The following ATOH8 variants were observed in gnomAD, a reference collection of about 807,000 sequenced individuals.
ATOH8 encodes the protein transcription factor ATOH8.
A neutral mutation model predicts 21.2 loss-of-function variants in ATOH8; 9 were observed. The ratio of observed to expected loss-of-function variants is 0.42; its 90% CI spans 0.26 to 0.74. ATOH8 has a LOEUF of 0.74. Ranked by LOEUF, ATOH8 falls within the 30% of genes least tolerant of loss-of-function variation. The probability of loss-of-function intolerance (pLI) is 0.24; values close to 1 mark genes in which losing one functional copy is unlikely to be tolerated. For missense variants in ATOH8, 524 were observed against 470.9 expected (o/e 1.11, Z -1.04); for synonymous variants, 253 against 224.0 (o/e 1.13, Z -1.16).
At chr2:85,775,134 A>T in intron 2 of ATOH8, 1 of 927,264 alleles carries the variant, frequency 1.1e-6, no homozygotes, top group Non-Finnish European at 1.3e-6. Context: ...ATGCTATGTG[A>T]CATAGGATGC....
rs1362280461 is a variant in ATOH8 at position 85,790,021 on chromosome 2, A to G, written c.*3131A>G. The stretch of plus-strand genomic sequence containing the variant: ...GAAAATGGAATTACATTTCAGATAG[A>G]TTCAGATTCCAACGGCAGTCTTCTA... On this transcript the variant is annotated 3_prime_UTR_variant, in exon 3 of 3. Transcript: ENST00000306279. 6.6e-6 allele frequency among the ~76,000 whole-genome samples: 1 copy of G among 152,222 alleles called. No individual in the cohort carries two copies.
At chr2:85,761,922 TG>T (rs1401241658) in intron 1 of ATOH8, among the ~76,000 whole-genome samples, 2 of 152,080 alleles carry the variant, frequency 1.3e-5, no homozygotes, top group African/African-American at 4.8e-5. Flanking sequence ...GAGTGGGAGA[TG>T]GGGTGAGGGA....
At chr2:85,775,009 T>C (rs1680284371) in intron 2 of ATOH8, 11 of 985,434 alleles carry the variant, frequency 1.1e-5, no homozygotes, top group Non-Finnish European at 1.3e-5. Flanking sequence ...CAGGAGAGCA[T>C]CATGTGATAT....
intron 2 of ATOH8, among the ~76,000 whole-genome samples, chr2:85,770,977 C>A (rs563567048): frequency 6.6e-6 from 1 of 152,206 alleles, no homozygotes; most frequent in Admixed American, 6.5e-5. Context: ...CCTAACTGAC[C>A]ACACTGGGGA....
chr2:85,756,427 T>C (rs1408358628), intron 1 of ATOH8, among the ~76,000 whole-genome samples: 3 of 152,152 alleles, frequency 2.0e-5, no homozygotes, highest in African/African-American at 4.8e-5. Flanking sequence ...ACCTTGCCAC[T>C]AGGGAAGCCC....
At chr2:85,765,092 A>G (rs1007046932) in intron 2 of ATOH8, among the ~76,000 whole-genome samples, 2 of 152,206 alleles carry the variant, frequency 1.3e-5, no homozygotes, top group African/African-American at 2.4e-5. Context: ...AGTGCTGAGC[A>G]AGGCTTAGTG....
chr2:85,756,338 G>A (rs1301724361), intron 1 of ATOH8, among the ~76,000 whole-genome samples: 1 of 152,248 alleles, frequency 6.6e-6, no homozygotes, highest in African/African-American at 2.4e-5. Context: ...TAGAGGTGGC[G>A]GTGCGTGGGG....
In ATOH8 at chr2:85,766,036, T is replaced by G. The variant is rs1223883862; in HGVS notation, c.960+1854T>G. The stretch of plus-strand genomic sequence containing the variant: ...GGCTCACCACTCACCAGCTGTGTTA[T>G]CCTGCACCCATTGCTTAGCCTCCTC... On this transcript the variant is annotated intron_variant, in intron 2 of 2. Transcript: ENST00000306279. This position sits in a 1 kb window ranked among gnomAD's most constrained non-coding sequence, Gnocchi z 4.0. 6.6e-6 allele frequency among the ~76,000 whole-genome samples: 1 copy of G among 152,128 alleles called. No homozygotes were observed. The highest frequency in any genetic ancestry group is 2.4e-5 in the African/African-American group (1 of 41,424).
At chr2:85,763,044 T>C (rs570124931) in intron 1 of ATOH8, among the ~76,000 whole-genome samples, 1 of 138,222 alleles carries the variant, frequency 7.2e-6, no homozygotes, top group African/African-American at 2.7e-5. Flanking sequence ...TCAAGAGCCA[T>C]AGCGAGGAGT....
Position 85,764,091 on chromosome 2 carries a change from A to C in ATOH8, c.869A>C (p.Tyr290Ser). ...CTGGCGCGGCTGGCTGACCTTGACT[A>C]CAGTGCCGACCACAGCAACCTCAGC... is the stretch of plus-strand genomic sequence containing the variant. ...LSLARLADLD[Y>S]SADHSNLSFS... The change falls in exon 2 of 3, where the codon TAC becomes TCC. Residue 290 changes from tyrosine (Y) to serine (S), a missense_variant. Coordinates refer to ENST00000306279, the MANE Select transcript of ATOH8 (RefSeq NM_032827.7). 6.2e-7 allele frequency: 1 copy of C among 1,614,078 alleles called. No individual in the cohort carries two copies.
chr2:85,774,241 G>A, intron 2 of ATOH8: 1 of 985,614 alleles, frequency 1.0e-6, no homozygotes, highest in Non-Finnish European at 1.2e-6. Flanking sequence ...CGTCAGCCTA[G>A]TGACCAGAAA....
intron 1 of ATOH8, among the ~76,000 whole-genome samples, chr2:85,762,654 G>A (rs1443774327): frequency 6.6e-6 from 1 of 152,184 alleles, no homozygotes. Flanking sequence ...ACACAGTGAG[G>A]TTTAAAGTGA....
At chr2:85,763,866 G>GT in intron 1 of ATOH8, 125 bp from the exon 2 acceptor site, 5 of 666,492 alleles carry the variant, frequency 7.5e-6, no homozygotes, top group Non-Finnish European at 1.0e-5. Context: ...GTAAACAGCA[G>GT]GTGCGTAGAG....
intron 2 of ATOH8, among the ~76,000 whole-genome samples, chr2:85,767,580 T>TCCCCCCC (rs1680052547): frequency 1.3e-5 from 1 of 79,234 alleles, no homozygotes; most frequent in Admixed American, 1.4e-4. Context: ...CCCTCCCCTC[T>TCCCCCCC]CCTTCCCTTC....
chr2:85,774,097 C>T lies in ATOH8; in HGVS notation c.960+9915C>T, dbSNP rs913613640. The T allele has an allele frequency of 9.1e-6, 9 of 985,246 alleles. No homozygotes were observed. In the African/African-American group the frequency reaches 1.4e-4, roughly 15 times the overall value. The allele number at this position is 985,246 out of a possible 1,614,324, so 61.0% of individuals were successfully genotyped here. ...GTTCATGGATTAGTGGCATAAAGGACGTAATATTGTTTTGCAAAATCTGCT... is the reference window on the plus strand; with the variant it reads ...GTTCATGGATTAGTGGCATAAAGGATGTAATATTGTTTTGCAAAATCTGCT... On this transcript the variant is annotated intron_variant, in intron 2 of 2. Transcript: ENST00000306279.
At chr2:85,780,964 G>C in intron 2 of ATOH8, 1 of 987,770 alleles carries the variant, frequency 1.0e-6, no homozygotes, top group Non-Finnish European at 1.2e-6. Context: ...CTTGCTTCCA[G>C]GTCCCTGGGG....
At chr2:85,775,634 A>G (rs747266006) in intron 2 of ATOH8, among the ~76,000 whole-genome samples, 1 of 152,146 alleles carries the variant, frequency 6.6e-6, no homozygotes, top group Non-Finnish European at 1.5e-5. Context: ...TTCATCCTCA[A>G]GCTGCATCTA....
At chr2:85,770,986 G>T (rs1344024776) in intron 2 of ATOH8, among the ~76,000 whole-genome samples, 2 of 152,044 alleles carry the variant, frequency 1.3e-5, no homozygotes, top group Non-Finnish European at 2.9e-5. Context: ...CCACACTGGG[G>T]AATGCAGAGA....
Position 85,754,445 on chromosome 2 carries a change from C to G in ATOH8, c.256C>G (p.Pro86Ala). The G allele has an allele frequency of 2.6e-6, 4 of 1,515,212 alleles. No homozygotes were observed. The highest frequency in any genetic ancestry group is 3.5e-6 in the Non-Finnish European group (4 of 1,139,512). The allele number at this position is 1,515,212 out of a possible 1,614,324, so 93.9% of individuals were successfully genotyped here. ...AGTCCCAGTGGCGCCGGCCGTTCCCCCAAGAGGGGGCACGGACACAGCCGG... is the reference window on the plus strand; with the variant it reads ...AGTCCCAGTGGCGCCGGCCGTTCCCGCAAGAGGGGGCACGGACACAGCCGG... ...VPVPVAPAVP[P>A]RGGTDTAGER... Residue 86 changes from proline to alanine, a missense_variant, in exon 1 of 3, where the codon CCA (proline) becomes GCA (alanine). Pro to Ala is a conservative substitution (Grantham distance 27). Transcript: ENST00000306279.
Sources: allele counts gnomAD v4.1 joint callset (sites outside exome capture counted in the v4.1 genomes callset), GRCh38; gene constraint gnomAD v4.1.1; non-coding constraint Gnocchi (gnomAD v3.1); transcripts MANE v1.5; gene names NCBI Gene and HGNC (gene_info 2026-07-23, HGNC 2026-07-21).